Variants in LRRC4C observed in about 807,000 individuals in gnomAD.
LRRC4C encodes the protein leucine rich repeat containing 4C.
In LRRC4C, 5 loss-of-function variants were observed where a neutral mutation model predicts 33.6. The ratio of observed to expected loss-of-function variants is 0.15; its 90% CI spans 0.08 to 0.31. LRRC4C has a LOEUF of 0.31. Among genes scored for constraint, LRRC4C ranks in the 10% least tolerant of loss-of-function variants. The probability of loss-of-function intolerance (pLI) is 1.00; values close to 1 mark genes in which losing one functional copy is unlikely to be tolerated. For missense variants in LRRC4C, 560 were observed against 796.7 expected, an observed-to-expected ratio of 0.70 and a Z score of 3.58; for synonymous variants, 329 against 302.0, an observed-to-expected ratio of 1.09 and a Z score of -0.93.
intron 1 of LRRC4C, among the ~76,000 whole-genome samples, chr11:41,259,438 C>T (rs547121105): frequency 2.0e-5 from 3 of 152,046 alleles, no homozygotes; most frequent in African/African-American, 7.2e-5. Flanking sequence ...ATTCTTGTCT[C>T]TAAGTATCTT....
Position 40,311,713 on chromosome 11 carries a change from G to A in LRRC4C, c.-176+7915C>T, listed in dbSNP as rs575297804. Among the ~76,000 whole-genome samples, 62 of 152,178 alleles carry A rather than the reference G, an allele frequency of 4.1e-4. 1 individual carries two copies. In the South Asian group the frequency reaches 0.012, roughly 31 times the overall value. On this transcript the variant is annotated intron_variant, in intron 4 of 6. Coordinates refer to ENST00000528697, the MANE Select transcript of LRRC4C (RefSeq NM_001258419.2). Reference sequence around the variant, plus strand: ...TGTAATCCCAGTATTTTGGGAGGCCGAGATGGGCGATACACAAGGTCAAGA... The same window carrying A: ...TGTAATCCCAGTATTTTGGGAGGCCAAGATGGGCGATACACAAGGTCAAGA...
chr11:40,230,825 T>C (rs1865145946), intron 5 of LRRC4C, among the ~76,000 whole-genome samples: 1 of 152,236 alleles, frequency 6.6e-6, no homozygotes, highest in South Asian at 2.1e-4. Flanking sequence ...ATTTAGTTTC[T>C]AGTCTTCTCT....
intron 1 of LRRC4C, among the ~76,000 whole-genome samples, chr11:41,290,715 G>A (rs372901602): frequency 6.6e-6 from 1 of 152,100 alleles, no homozygotes; most frequent in Non-Finnish European, 1.5e-5. Context: ...TACCCTATTA[G>A]ATTCCTGCCA....
intron 1 of LRRC4C, among the ~76,000 whole-genome samples, chr11:41,451,368 A>G (rs1956015060): frequency 2.6e-5 from 4 of 151,990 alleles, no homozygotes; most frequent in Admixed American, 2.6e-4. Flanking sequence ...AGATATAGAT[A>G]TAGATTTTGT....
At chr11:40,627,819 C>T (rs1963096281) in intron 3 of LRRC4C, among the ~76,000 whole-genome samples, 1 of 152,110 alleles carries the variant, frequency 6.6e-6, no homozygotes, top group African/African-American at 2.4e-5. Context: ...ATTTTAACCC[C>T]CATCAAGAAT....
chr11:41,155,954 C>T (rs186239383), intron 1 of LRRC4C, among the ~76,000 whole-genome samples: 90 of 152,204 alleles, frequency 5.9e-4, no homozygotes, highest in Admixed American at 9.2e-4. Context: ...CCATCTTCCA[C>T]GTGATGACTC....
intron 5 of LRRC4C, among the ~76,000 whole-genome samples, chr11:40,210,065 G>A (rs1051791454): frequency 6.6e-6 from 1 of 151,964 alleles, no homozygotes; most frequent in Non-Finnish European, 1.5e-5. Context: ...CAAGAATGAA[G>A]ACAAATAAAC....
intron 1 of LRRC4C, among the ~76,000 whole-genome samples, chr11:41,281,041 T>TC (rs1359808573): frequency 2.1e-3 from 223 of 106,002 alleles, no homozygotes; most frequent in African/African-American, 7.6e-3. Context: ...AAATACATAT[T>TC]TTCTCTCTCT....
chr11:41,103,538 A>G (rs1378368081), intron 1 of LRRC4C, among the ~76,000 whole-genome samples: 1 of 150,886 alleles, frequency 6.6e-6, no homozygotes, highest in Non-Finnish European at 1.5e-5. Flanking sequence ...ACCAACTGGT[A>G]TAGACATAGA....
intron 1 of LRRC4C, among the ~76,000 whole-genome samples, chr11:40,984,523 T>A (rs1852848322): frequency 6.6e-6 from 1 of 152,154 alleles, no homozygotes; most frequent in Non-Finnish European, 1.5e-5. Context: ...GCAAATGCAA[T>A]GGTCCTGTAG....
chr11:40,557,912 C>T (rs1957394469), intron 3 of LRRC4C, among the ~76,000 whole-genome samples: 1 of 151,936 alleles, frequency 6.6e-6, no homozygotes, highest in African/African-American at 2.4e-5. Context: ...GATTAATGAG[C>T]CGGGAGACCT....
chr11:40,268,501 T>C (rs76775938), intron 4 of LRRC4C, among the ~76,000 whole-genome samples: 3 of 152,104 alleles, frequency 2.0e-5, no homozygotes, highest in African/African-American at 7.2e-5. Flanking sequence ...AAATTCATCA[T>C]GAATTTATAT....
intron 1 of LRRC4C, among the ~76,000 whole-genome samples, chr11:40,948,674 A>G (rs1234784568): frequency 1.3e-5 from 2 of 149,578 alleles, no homozygotes; most frequent in African/African-American, 2.5e-5. Context: ...AATTTCATCC[A>G]TGTCCCTACA....
intron 1 of LRRC4C, among the ~76,000 whole-genome samples, chr11:41,209,800 C>T (rs1228026939): frequency 1.3e-5 from 2 of 152,056 alleles, no homozygotes; most frequent in African/African-American, 4.8e-5. Context: ...ATGTTTTGGA[C>T]TGAATTGCGT....
chr11:41,036,706 G>T (rs138662255), intron 1 of LRRC4C, among the ~76,000 whole-genome samples: 49 of 152,214 alleles, frequency 3.2e-4, no homozygotes, highest in Middle Eastern at 3.4e-3. Flanking sequence ...TAATGTCAAA[G>T]ATTTTATTTA....
At chr11:40,334,603 A>G (rs1946513735) in intron 3 of LRRC4C, among the ~76,000 whole-genome samples, 1 of 152,196 alleles carries the variant, frequency 6.6e-6, no homozygotes, top group Admixed American at 6.5e-5. Flanking sequence ...ATTAATGAAC[A>G]AAGAATACTT....
At chr11:41,112,488 T>C (rs1181151730) in intron 1 of LRRC4C, among the ~76,000 whole-genome samples, 8 of 152,078 alleles carry the variant, frequency 5.3e-5, no homozygotes, top group African/African-American at 1.9e-4. Flanking sequence ...TCTGTCAATC[T>C]TACTATATTC....
chr11:40,454,590 T>C (rs1317800951), intron 3 of LRRC4C, among the ~76,000 whole-genome samples: 1 of 152,184 alleles, frequency 6.6e-6, no homozygotes, highest in African/African-American at 2.4e-5. Flanking sequence ...TGTTTTGGAC[T>C]TGTCTACTTT....
At chr11:40,971,534 G>T (rs1241460996) in intron 1 of LRRC4C, among the ~76,000 whole-genome samples, 1 of 152,182 alleles carries the variant, frequency 6.6e-6, no homozygotes, top group Non-Finnish European at 1.5e-5. Context: ...AGCCTGCTTT[G>T]GGGGTGGAGT....
Sources: allele counts gnomAD v4.1 joint callset (sites outside exome capture counted in the v4.1 genomes callset), GRCh38; gene constraint gnomAD v4.1.1; transcripts MANE v1.5; gene names NCBI Gene and HGNC (gene_info 2026-07-23, HGNC 2026-07-21).